Variants in MYT1L observed in about 807,000 individuals in gnomAD.
The protein encoded by MYT1L is myelin transcription factor 1 like.
In MYT1L, 12 loss-of-function variants were observed where a neutral mutation model predicts 126.7. That is an observed-to-expected ratio of 0.09 (90% confidence interval 0.06 to 0.15). The LOEUF (loss-of-function observed/expected upper bound fraction) is 0.15. Among genes scored for constraint, MYT1L ranks in the 10% least tolerant of loss-of-function variants. MYT1L has a pLI of 1.00. For synonymous variants in MYT1L, 541 were observed against 604.2 expected, an observed-to-expected ratio of 0.90 and a Z score of 1.53; for missense variants, 979 against 1,585.2, an observed-to-expected ratio of 0.62 and a Z score of 6.49.
intron 2 of MYT1L, among the ~76,000 whole-genome samples, chr2:2,275,550 G>A (rs1182662431): frequency 1.3e-5 from 2 of 152,038 alleles, no homozygotes; most frequent in Non-Finnish European, 2.9e-5. Flanking sequence ...CCTAGAGGTC[G>A]TATCGCACCT....
chr2:2,222,353 G>A (rs73177831), intron 2 of MYT1L, among the ~76,000 whole-genome samples: 3,146 of 152,094 alleles, frequency 0.021, 115 homozygotes, highest in African/African-American at 0.072. Flanking sequence ...TTAGCCAGGT[G>A]TGGTGGAGGG....
chr2:1,896,187 G>T (rs968860000), intron 14 of MYT1L, among the ~76,000 whole-genome samples: 2 of 152,120 alleles, frequency 1.3e-5, no homozygotes, highest in Admixed American at 1.3e-4. Context: ...GCCAAAAACA[G>T]CAGATGCTGG....
At chr2:2,295,673 G>GAGAT in intron 1 of MYT1L, among the ~76,000 whole-genome samples, 1 of 143,308 alleles carries the variant, frequency 7.0e-6, no homozygotes, top group African/African-American at 2.7e-5. Flanking sequence ...CAGAGAGAGA[G>GAGAT]AGAGAGACAG....
At chr2:1,864,285 A>T (rs2045146948) in intron 18 of MYT1L, among the ~76,000 whole-genome samples, 1 of 152,152 alleles carries the variant, frequency 6.6e-6, no homozygotes, top group Non-Finnish European at 1.5e-5. Flanking sequence ...CAGACCTGGC[A>T]GGTCCGGGGC....
chr2:2,059,486 C>T lies in MYT1L; in HGVS notation c.-303-5363G>A, dbSNP rs1000946684. Among the ~76,000 whole-genome samples, 3 of 151,964 alleles carry T rather than the reference C, an allele frequency of 2.0e-5. No individual in the cohort carries two copies. The highest frequency in any genetic ancestry group is 4.4e-5 in the Non-Finnish European group (3 of 68,044). On this transcript the variant is annotated intron_variant, in intron 3 of 24. Transcript: ENST00000647738. This position sits in a 1 kb window ranked among gnomAD's most constrained non-coding sequence, Gnocchi z 4.7. ...GAGCAGAGCCCCCTGGAACCAGGTG[C>T]ATTGCCCAGTGCTGGCGGCACTTCA... is the stretch of plus-strand genomic sequence containing the variant.
At chr2:2,301,232 A>G (rs979672362) in intron 1 of MYT1L, among the ~76,000 whole-genome samples, 9 of 152,032 alleles carry the variant, frequency 5.9e-5, no homozygotes, top group Non-Finnish European at 1.3e-4. Flanking sequence ...CTTTGTTTCC[A>G]AGACTCTCCC....
intron 3 of MYT1L, among the ~76,000 whole-genome samples, chr2:2,110,007 AAC>A (rs932269299): frequency 8.0e-5 from 12 of 150,350 alleles, no homozygotes; most frequent in African/African-American, 2.7e-4. Context: ...CAAACAGTGA[AAC>A]ACAGCGTATG....
intron 2 of MYT1L, among the ~76,000 whole-genome samples, chr2:2,199,416 C>A (rs1294868774): frequency 4.6e-5 from 7 of 152,150 alleles, no homozygotes; most frequent in Non-Finnish European, 1.0e-4. Context: ...GTGTAGACTG[C>A]GTGAAATGCA....
intron 14 of MYT1L, among the ~76,000 whole-genome samples, chr2:1,897,732 GGATTA>G (rs1171487807): frequency 2.0e-5 from 3 of 152,134 alleles, no homozygotes; most frequent in African/African-American, 7.2e-5. Flanking sequence ...CAAAGTCCTG[GGATTA>G]CAGGCATAAG....
chr2:2,271,067 G>A (rs1264056877), intron 2 of MYT1L, among the ~76,000 whole-genome samples: 1 of 152,196 alleles, frequency 6.6e-6, no homozygotes, highest in East Asian at 1.9e-4. Context: ...GTCTGTGTGT[G>A]TACACATGTG....
intron 1 of MYT1L, among the ~76,000 whole-genome samples, chr2:2,292,620 A>C (rs2095616315): frequency 6.6e-6 from 1 of 152,124 alleles, no homozygotes; most frequent in African/African-American, 2.4e-5. Context: ...GCACAGACAT[A>C]GCCGTCTGTG....
intron 18 of MYT1L, among the ~76,000 whole-genome samples, chr2:1,851,954 C>G (rs1558758987): frequency 6.6e-6 from 1 of 152,100 alleles, no homozygotes; most frequent in Non-Finnish European, 1.5e-5. Context: ...CACTTTTGGT[C>G]CCTAGGCTGC....
Position 1,956,622 on chromosome 2 carries a change from A to AT in MYT1L, c.153-13289_153-13288insA, listed in dbSNP as rs752612732. ...TATCTATCTATCTATCTATCTATCTACCTACCTACCTATCTAGCTATCTAT... is the reference window on the plus strand; with the variant it reads ...TATCTATCTATCTATCTATCTATCTATCCTACCTACCTATCTAGCTATCTAT... On this transcript the variant is annotated intron_variant, in intron 8 of 24. Coordinates refer to ENST00000647738, the MANE Select transcript of MYT1L (RefSeq NM_001303052.2). 4.7e-3 allele frequency among the ~76,000 whole-genome samples: 655 copies of AT among 139,270 alleles called. 16 individuals carry two copies. The highest frequency in any genetic ancestry group is 8.3e-3 in the African/African-American group (298 of 36,068). The allele number at this position is 139,270 out of a possible 152,430, so 91.4% of individuals were successfully genotyped here. A position where few individuals can be genotyped will look rare whatever the true frequency, so the allele number is the denominator to read the frequency against.
At chr2:2,067,891 C>A (rs1191144601) in intron 3 of MYT1L, among the ~76,000 whole-genome samples, 2 of 151,814 alleles carry the variant, frequency 1.3e-5, no homozygotes, top group East Asian at 3.9e-4. Flanking sequence ...CAAGCGGGAA[C>A]ACATACACCA....
At chr2:1,978,788 C>T (rs974264272) in intron 8 of MYT1L, among the ~76,000 whole-genome samples, 58 of 152,094 alleles carry the variant, frequency 3.8e-4, no homozygotes, top group Admixed American at 1.7e-3. Flanking sequence ...TTTAATTGAC[C>T]GTTCATTGTT....
At chr2:1,892,843 C>G (rs1011930907) in intron 14 of MYT1L, among the ~76,000 whole-genome samples, 2 of 152,202 alleles carry the variant, frequency 1.3e-5, no homozygotes, top group Non-Finnish European at 2.9e-5. Context: ...CCTGTGGGGA[C>G]CACGTGCTTT....
chr2:2,294,207 G>A (rs543933367), intron 1 of MYT1L, among the ~76,000 whole-genome samples: 8 of 152,308 alleles, frequency 5.3e-5, no homozygotes, highest in South Asian at 2.1e-4. Context: ...AGCGACTCAC[G>A]GGCGGTGCCC....
At chr2:1,797,670 T>C (rs1202302331) in intron 23 of MYT1L, among the ~76,000 whole-genome samples, 1 of 152,262 alleles carries the variant, frequency 6.6e-6, no homozygotes, top group Non-Finnish European at 1.5e-5. Flanking sequence ...TTTAAACACA[T>C]TCCAAATTGG....
chr2:2,004,335 ATACG>A (rs2062867478), intron 4 of MYT1L, among the ~76,000 whole-genome samples: 1 of 133,582 alleles, frequency 7.5e-6, no homozygotes, highest in Non-Finnish European at 1.6e-5. Context: ...TCTTTCCTGC[ATACG>A]TTCTTTCCTG....
Sources: allele counts gnomAD v4.1 joint callset (sites outside exome capture counted in the v4.1 genomes callset), GRCh38; gene constraint gnomAD v4.1.1; non-coding constraint Gnocchi (gnomAD v3.1); transcripts MANE v1.5; gene names NCBI Gene and HGNC (gene_info 2026-07-23, HGNC 2026-07-21).